Variants in VAMP4 observed in about 807,000 individuals in gnomAD.
The protein encoded by VAMP4 is vesicle-associated membrane protein 4.
Under a neutral mutation model 23.5 loss-of-function variants are expected in VAMP4, and 19 were observed. The ratio of observed to expected loss-of-function variants is 0.81; its 90% CI spans 0.56 to 1.19. The LOEUF is 1.19. Ranked by LOEUF, VAMP4 falls within the 50% of genes most tolerant of loss-of-function variation. The pLI, the probability that VAMP4 is intolerant of heterozygous loss-of-function variation, is 0.00. For synonymous variants in VAMP4, 31 were observed against 51.0 expected (o/e 0.61, Z 1.67); for missense variants, 145 against 168.6 (o/e 0.86, Z 0.78).
intron 2 of VAMP4, among the ~76,000 whole-genome samples, chr1:171,735,459 T>G (rs1251103162): frequency 6.6e-6 from 1 of 152,218 alleles, no homozygotes; most frequent in Admixed American, 6.5e-5. Flanking sequence ...ATTTCCATAC[T>G]TCAGTCTTCA....
At chr1:171,725,511 CT>C (rs2124858671) in intron 3 of VAMP4, among the ~76,000 whole-genome samples, 1 of 152,232 alleles carries the variant, frequency 6.6e-6, no homozygotes, top group East Asian at 1.9e-4. Context: ...TAGTCTAAGG[CT>C]TTTCACCACA....
rs190691384 is a variant in VAMP4, at chr1:171,703,367, C to T, written c.*1139G>A. On this transcript the variant is annotated 3_prime_UTR_variant, in exon 8 of 8. Transcript: ENST00000236192. ...TGGTCACTCTCTAGCATTTGGTTAC[C>T]GACTGACTGATTATCATATGTGTGC... is the stretch of plus-strand genomic sequence containing the variant. 221 of 136,410 alleles carry T rather than the reference C, an allele frequency of 1.6e-3. 1 individual carries two copies. The highest frequency in any genetic ancestry group is 5.8e-3 in the African/African-American group (213 of 36,950). The allele number at this position is 136,410 out of a possible 1,614,324, so 8.4% of individuals were successfully genotyped here.
intron 4 of VAMP4, among the ~76,000 whole-genome samples, chr1:171,711,140 A>C (rs1654834662): frequency 6.6e-6 from 1 of 152,130 alleles, no homozygotes; most frequent in South Asian, 2.1e-4. Flanking sequence ...CACTAAAAAT[A>C]ATCAGTTTTT....
rs557398828 is a variant in VAMP4, at chr1:171,740,170, T to C, written c.-49-1707A>G. Among the ~76,000 whole-genome samples the C allele has an allele frequency of 5.8e-4, 89 of 152,370 alleles. 1 individual carries two copies. Among genetic ancestry groups the C allele is most frequent in the East Asian group, 1.5e-3 (8 of 5,192 alleles). Reference sequence around the variant, plus strand: ...ACTACATTCATTGAAACAGCAGAGATACAGGCCTAAATTAATCAATGGCTG... The same window carrying C: ...ACTACATTCATTGAAACAGCAGAGACACAGGCCTAAATTAATCAATGGCTG... On this transcript the variant is annotated intron_variant, in intron 1 of 7. Transcript: ENST00000236192.
chr1:171,730,381 T>C (rs12748176), intron 2 of VAMP4, among the ~76,000 whole-genome samples: 4,614 of 152,262 alleles, frequency 0.03, 96 homozygotes, highest in Non-Finnish European at 0.051. Context: ...ATCTAAATAG[T>C]TGATGATAAT....
chr1:171,708,538 A>G (rs904739116), intron 6 of VAMP4, among the ~76,000 whole-genome samples: 5 of 151,848 alleles, frequency 3.3e-5, no homozygotes, highest in Non-Finnish European at 7.4e-5. Flanking sequence ...CTTGGAAAAA[A>G]TCCTCAGCAT....
intron 2 of VAMP4, among the ~76,000 whole-genome samples, chr1:171,729,149 C>G (rs1655478487): frequency 1.3e-5 from 2 of 152,172 alleles, no homozygotes; most frequent in South Asian, 4.1e-4. Context: ...CTCACCTTCT[C>G]CCCAAAAGGG....
At chr1:171,738,547 A>G in intron 1 of VAMP4, 84 bp from the exon 2 acceptor site, 1 of 811,048 alleles carries the variant, frequency 1.2e-6, no homozygotes, top group Non-Finnish European at 1.9e-6. Context: ...GAAACCCTGT[A>G]TGACAGGGAC....
chr1:171,711,207 T>C (rs2124842090), intron 4 of VAMP4, among the ~76,000 whole-genome samples: 1 of 152,270 alleles, frequency 6.6e-6, no homozygotes, highest in African/African-American at 2.4e-5. Context: ...ACTTTTGCCA[T>C]ATATTTCATA....
intron 3 of VAMP4, 38 bp downstream of exon 3, chr1:171,728,485 GT>G: frequency 6.8e-7 from 1 of 1,468,144 alleles, no homozygotes; most frequent in Non-Finnish European, 9.1e-7. Context: ...TGTATTGTAT[GT>G]CAATTACACC....
intron 3 of VAMP4, among the ~76,000 whole-genome samples, chr1:171,721,559 A>G (rs897925003): frequency 3.3e-5 from 5 of 152,048 alleles, no homozygotes; most frequent in Non-Finnish European, 7.4e-5. Flanking sequence ...GTAGCATCAG[A>G]AATTATGAAA....
chr1:171,728,805 A>G (rs1655458529), intron 2 of VAMP4, among the ~76,000 whole-genome samples: 1 of 152,230 alleles, frequency 6.6e-6, no homozygotes, highest in Non-Finnish European at 1.5e-5. Flanking sequence ...TAAAAAAGGT[A>G]GAAAGGTCAC....
chr1:171,729,962 G>GAGAC (rs896338999), intron 2 of VAMP4, among the ~76,000 whole-genome samples: 1 of 152,106 alleles, frequency 6.6e-6, no homozygotes. Flanking sequence ...GAGAGAGAGA[G>GAGAC]AGACAGACAG....
intron 3 of VAMP4, among the ~76,000 whole-genome samples, chr1:171,722,397 T>A (rs1163504825): frequency 5.3e-5 from 8 of 152,028 alleles, no homozygotes; most frequent in Non-Finnish European, 1.0e-4. Flanking sequence ...AAGCCAAAAT[T>A]GACAAATGGG....
intron 3 of VAMP4, among the ~76,000 whole-genome samples, chr1:171,727,091 T>C (rs1655394212): frequency 6.6e-6 from 1 of 151,118 alleles, no homozygotes. Context: ...AATATAATAA[T>C]TAGTTGGGTG....
chr1:171,733,327 G>A (rs1307492261), intron 2 of VAMP4, among the ~76,000 whole-genome samples: 29 of 149,586 alleles, frequency 1.9e-4, no homozygotes, highest in Non-Finnish European at 8.9e-5. Flanking sequence ...AAAATTAGGC[G>A]TGGTGGTGTA....
At position 171,709,763 on chromosome 1, in the gene VAMP4, G is replaced by A. The variant is rs1268486540; in HGVS notation, c.266-19C>T. 6.3e-7 allele frequency: 1 copy of A among 1,582,556 alleles called. No homozygotes were observed. The highest frequency in any genetic ancestry group is 1.3e-5 in the African/African-American group (1 of 74,112). ...AAGCTTTCTATATCACATAGAGGATGGAGAGAAGGATTAAACGACATAACA... is the reference window on the plus strand; with the variant it reads ...AAGCTTTCTATATCACATAGAGGATAGAGAGAAGGATTAAACGACATAACA... On this transcript the variant is annotated intron_variant, in intron 5 of 7. Transcript: ENST00000236192.
At chr1:171,730,640 A>G (rs1655530393) in intron 2 of VAMP4, among the ~76,000 whole-genome samples, 1 of 151,644 alleles carries the variant, frequency 6.6e-6, no homozygotes, top group Non-Finnish European at 1.5e-5. Context: ...GAGAACACAG[A>G]TTAACACTAC....
In VAMP4 at chr1:171,709,560, C is replaced by A. The variant is rs897868000; in HGVS notation, c.345+105G>T. ...TACCATGTCTCAGGACAGTTATAGG[C>A]CCTGTTCTCACAGAGGTTATGCTCT... is the stretch of plus-strand genomic sequence containing the variant. On this transcript the variant is annotated intron_variant, in intron 6 of 7. Coordinates refer to ENST00000236192, the MANE Select transcript of VAMP4 (RefSeq NM_003762.5). 120 of 991,620 alleles carry A rather than the reference C, an allele frequency of 1.2e-4. 3 individuals carry two copies. The highest frequency in any genetic ancestry group is 9.8e-4 in the South Asian group (72 of 73,286). 61.4% of individuals were successfully genotyped at this position (991,620 alleles called of 1,614,324 possible). A position where few individuals can be genotyped will look rare whatever the true frequency, so the allele number is the denominator to read the frequency against.
Sources: gnomAD v4.1 joint callset for allele counts (sites outside exome capture counted in the v4.1 genomes callset) on GRCh38, gnomAD v4.1.1 for gene constraint, MANE v1.5 for transcripts, NCBI Gene and HGNC (gene_info 2026-07-23, HGNC 2026-07-21) for gene names.